Variants in B3GAT3 observed in about 807,000 individuals in gnomAD.
The protein encoded by B3GAT3 is galactosylgalactosylxylosylprotein 3-beta-glucuronosyltransferase 3.
Under a neutral mutation model 33.1 loss-of-function variants are expected in B3GAT3, and 19 were observed. That is an observed-to-expected ratio of 0.57 (90% CI 0.40 to 0.84). The LOEUF is 0.84. Ranked by LOEUF, B3GAT3 falls within the 40% of genes least tolerant of loss-of-function variation. B3GAT3 has a pLI of 0.00. For synonymous variants in B3GAT3, 167 were observed against 193.5 expected (o/e 0.86, Z 1.14); for missense variants, 344 against 441.5 (o/e 0.78, Z 1.98).
intron 2 of B3GAT3, among the ~76,000 whole-genome samples, chr11:62,620,075 G>A (rs1943116344): frequency 6.6e-6 from 1 of 152,022 alleles, no homozygotes; most frequent in Non-Finnish European, 1.5e-5. Flanking sequence ...CCAGGCTGGA[G>A]TGCAATAGCG....
chr11:62,617,244 C>T lies in B3GAT3; in HGVS notation c.361G>A (p.Val121Ile), dbSNP rs1476632777. Residue 121 changes from valine (V) to isoleucine (I), a missense_variant, in exon 3 of 5, where the codon GTC becomes ATC. Val to Ile is a conservative substitution (Grantham distance 29, BLOSUM62 3). Transcript: ENST00000265471. ...VEDAEGPTPL[V>I]SGLLAASGLL... is the part of the protein sequence containing the mutation. The stretch of plus-strand genomic sequence containing the variant: ...CCAGAGGCAGCCAGCAGCCCTGAGA[C>T]CAGCGGGGTGGGACCCTCAGCATCC... 6.2e-7 allele frequency: 1 copy of T among 1,613,298 alleles called. No individual in the cohort carries two copies. The highest frequency in any genetic ancestry group is 1.7e-5 in the Admixed American group (1 of 59,928).
rs1237724371 is a variant in B3GAT3, at chr11:62,616,726, T to C, written c.689A>G (p.Gln230Arg). 1.9e-6 allele frequency: 3 copies of C among 1,613,940 alleles called. No individual in the cohort carries two copies. The highest frequency in any genetic ancestry group is 3.3e-5 in the Admixed American group (2 of 59,984). Residue 230 changes from glutamine (Q) to arginine (R), a missense_variant, in exon 4 of 5, where the codon CAG becomes CGG. Gln to Arg is a conservative substitution (Grantham distance 43, BLOSUM62 1). Transcript: ENST00000265471. ...LVGGLRFEGP[Q>R]VQDGRVVGFH... Reference sequence around the variant, plus strand: ...GCCCACTACCCGGCCGTCCTGTACCTGAGGGCCCTCGAATCGCAGGCCGCC... The same window carrying C: ...GCCCACTACCCGGCCGTCCTGTACCCGAGGGCCCTCGAATCGCAGGCCGCC...
chr11:62,615,870 T>C (rs1439262050), intron 4 of B3GAT3, 71 bp from the exon 5 acceptor site: 4 of 1,581,106 alleles, frequency 2.5e-6, no homozygotes, highest in Non-Finnish European at 3.4e-6. Flanking sequence ...GAGCCTGGAA[T>C]GGATTCTCTA....
At position 62,620,577 on chromosome 11, in the gene B3GAT3, T is replaced by G. The variant is rs1266582198; in HGVS notation, c.177A>C (p.Arg59=). Residue 59 remains arginine, a synonymous_variant, in exon 2 of 5, where the codon CGA becomes CGC. Transcript: ENST00000265471. ...GCTGGGCAGGGGCAGGGGGTGGCCG[T>G]CGGAGTTCCGCTTGCAGCTGGGAAA... ...LRISQLQAEL[R]RPPPAPAQPP... The G allele has an allele frequency of 1.9e-6, 3 of 1,612,254 alleles. No homozygotes were observed. Among genetic ancestry groups the G allele is most frequent in the Non-Finnish European group, 2.5e-6 (3 of 1,179,294 alleles).
chr11:62,620,770 C>T, intron 1 of B3GAT3, 99 bp from the exon 2 acceptor site: 1 of 1,208,076 alleles, frequency 8.3e-7, no homozygotes, highest in East Asian at 2.5e-5. Flanking sequence ...TAATTCCTAA[C>T]CAATGCAGGT....
At chr11:62,617,981 G>A (rs1206722926) in intron 2 of B3GAT3, among the ~76,000 whole-genome samples, 2 of 151,620 alleles carry the variant, frequency 1.3e-5, no homozygotes, top group Non-Finnish European at 2.9e-5. Context: ...TTCGAGACCA[G>A]CCTGCCCAAC....
intron 4 of B3GAT3, 173 bp downstream of exon 4, chr11:62,616,333 G>T: frequency 1.1e-6 from 1 of 940,850 alleles, no homozygotes; most frequent in Non-Finnish European, 1.6e-6. Context: ...AGTGGCAGGA[G>T]ACCACTTTCC....
chr11:62,618,008 T>A (rs1943067164), intron 2 of B3GAT3, among the ~76,000 whole-genome samples: 1 of 151,322 alleles, frequency 6.6e-6, no homozygotes, highest in Admixed American at 6.6e-5. Context: ...AAGCCCCGTC[T>A]CTATTAAAAA....
intron 2 of B3GAT3, among the ~76,000 whole-genome samples, chr11:62,618,177 CAAAAAAAAAAAAAA>C (rs150492409): frequency 4.3e-5 from 2 of 46,274 alleles, no homozygotes; most frequent in African/African-American, 2.1e-4. Context: ...AACTCTGTCT[CAAAAAAAAAAAAAA>C]AAAAAAAAAA....
intron 3 of B3GAT3, 42 bp from the exon 4 acceptor site, chr11:62,616,838 G>T (rs527260095): frequency 1.4e-5 from 23 of 1,613,150 alleles, no homozygotes; most frequent in Non-Finnish European, 1.9e-5. Flanking sequence ...GGTGGTCCGG[G>T]GAAGGGAGCA....
chr11:62,620,575 C>T lies in B3GAT3; in HGVS notation c.179G>A (p.Arg60Gln), dbSNP rs1473191563. The T allele has an allele frequency of 3.1e-6, 5 of 1,612,248 alleles. No individual in the cohort carries two copies. The highest frequency in any genetic ancestry group is 4.2e-6 in the Non-Finnish European group (5 of 1,179,328). Reference protein sequence around the residue: ...RISQLQAELRRPPPAPAQPPE... With the variant: ...RISQLQAELRQPPPAPAQPPE... ...GGGCTGGGCAGGGGCAGGGGGTGGC[C>T]GTCGGAGTTCCGCTTGCAGCTGGGA... is the stretch of plus-strand genomic sequence containing the variant. Residue 60 changes from arginine to glutamine, a missense_variant, in exon 2 of 5, where the codon CGG becomes CAG. By Grantham distance (43) the Arg-to-Gln change is conservative (BLOSUM62 1). Coordinates refer to ENST00000265471, the MANE Select transcript of B3GAT3 (RefSeq NM_012200.4).
intron 2 of B3GAT3, among the ~76,000 whole-genome samples, chr11:62,618,531 G>A (rs1169273192): frequency 5.3e-5 from 8 of 150,016 alleles, no homozygotes; most frequent in Admixed American, 2.7e-4. Context: ...GTGTGGTGGC[G>A]GGCACCTGTA....
intron 2 of B3GAT3, among the ~76,000 whole-genome samples, chr11:62,619,281 T>C (rs1943095962): frequency 6.6e-6 from 1 of 152,136 alleles, no homozygotes. Context: ...TGGTTGTGTG[T>C]GCATGTCGCA....
chr11:62,620,552 G>C lies in B3GAT3; in HGVS notation c.202C>G (p.Pro68Ala), dbSNP rs200817074. ...LRRPPPAPAQ[P>A]PEPEALPTIY... ...GTAGGCAGGGCCTCGGGTTCAGGGGGCTGGGCAGGGGCAGGGGGTGGCCGT... is the reference window on the plus strand; with the variant it reads ...GTAGGCAGGGCCTCGGGTTCAGGGGCCTGGGCAGGGGCAGGGGGTGGCCGT... Residue 68 changes from proline to alanine, a missense_variant, in exon 2 of 5, where the codon CCC becomes GCC. Transcript: ENST00000265471. The C allele has an allele frequency of 3.1e-6, 5 of 1,612,768 alleles. No individual in the cohort carries two copies. The highest frequency in any genetic ancestry group is 3.3e-5 in the Admixed American group (2 of 59,914).
At chr11:62,619,023 C>CGGGT (rs1565077569) in intron 2 of B3GAT3, among the ~76,000 whole-genome samples, 7 of 142,744 alleles carry the variant, frequency 4.9e-5, no homozygotes, top group Non-Finnish European at 9.1e-5. Context: ...TGGTGGTGCA[C>CGGGT]GCCTGTAATC....
chr11:62,616,419 A>ACCAC, intron 4 of B3GAT3, 87 bp downstream of exon 4: 1 of 1,575,206 alleles, frequency 6.3e-7, no homozygotes. Context: ...TCCTGGTTAA[A>ACCAC]CCACCCATTC....
At position 62,620,624 on chromosome 11, in the gene B3GAT3, G is replaced by A. The variant is rs1282216473; in HGVS notation, c.130C>T (p.Leu44=). Residue 44 remains leucine (L), a synonymous_variant, in exon 2 of 5, where the codon CTA becomes TTA. Transcript: ENST00000265471. ...LPPLRAAAEQ[L]RQKDLRISQL... is the part of the protein sequence containing the mutation. The stretch of plus-strand genomic sequence containing the variant: ...GAAATCCTCAGATCCTTCTGCCGTA[G>A]CTGCTCGGCTGCTGCCCGCAGGGGA... 2.5e-6 allele frequency: 4 copies of A among 1,612,276 alleles called. No homozygotes were observed. In the African/African-American group the frequency reaches 5.3e-5, roughly 22 times the overall value.
At chr11:62,619,961 T>A (rs1246471641) in intron 2 of B3GAT3, among the ~76,000 whole-genome samples, 1 of 152,218 alleles carries the variant, frequency 6.6e-6, no homozygotes, top group African/African-American at 2.4e-5. Flanking sequence ...TTCTATCTTA[T>A]AATTTGGTAG....
chr11:62,615,481 C>T lies in B3GAT3; in HGVS notation c.*220G>A. 2 of 832,550 alleles carry T rather than the reference C, an allele frequency of 2.4e-6. No individual in the cohort carries two copies. Among genetic ancestry groups the T allele is most frequent in the Admixed American group, 2.5e-5 (1 of 39,260 alleles). 51.6% of individuals were successfully genotyped at this position (832,550 alleles called of 1,614,324 possible). ...TCCACCCTAGACAGGGCCAACCTGACTCAACACAAGGGCTGCTTGTCCCCA... is the reference window on the plus strand; with the variant it reads ...TCCACCCTAGACAGGGCCAACCTGATTCAACACAAGGGCTGCTTGTCCCCA... On this transcript the variant is annotated 3_prime_UTR_variant, in exon 5 of 5. Coordinates refer to ENST00000265471, the MANE Select transcript of B3GAT3 (RefSeq NM_012200.4).
Sources: allele counts gnomAD v4.1 joint callset (sites outside exome capture counted in the v4.1 genomes callset), GRCh38; gene constraint gnomAD v4.1.1; transcripts MANE v1.5; gene names NCBI Gene and HGNC (gene_info 2026-07-23, HGNC 2026-07-21).